The following CREBBP variants were observed in gnomAD, a reference collection of about 807,000 sequenced individuals.
The protein encoded by CREBBP is CREB binding lysine acetyltransferase, also known as CREB-binding protein.
CREBBP carries 19 observed loss-of-function variants against 265.0 expected under a neutral mutation model. The observed-to-expected ratio is 0.07, with a 90% confidence interval of 0.05 to 0.11. The LOEUF is 0.11. Ranked by LOEUF, CREBBP falls within the 10% of genes least tolerant of loss-of-function variation. The pLI is 1.00. For missense variants in CREBBP, 2,525 were observed against 3,219.0 expected (o/e 0.78, Z 5.22); for synonymous variants, 1,457 against 1,223.7 (o/e 1.19, Z -3.98).
chr16:3,765,236 A>G (rs760388464), intron 16 of CREBBP, among the ~76,000 whole-genome samples: 7 of 152,192 alleles, frequency 4.6e-5, no homozygotes, highest in Non-Finnish European at 1.0e-4. Flanking sequence ...TTGGCCTCCG[A>G]AAGTGCGGGG....
chr16:3,783,908 C>G (rs928873305), intron 5 of CREBBP, among the ~76,000 whole-genome samples: 1 of 152,230 alleles, frequency 6.6e-6, no homozygotes, highest in Non-Finnish European at 1.5e-5. Flanking sequence ...AAGGTCAATT[C>G]ATCTACCCAC....
At chr16:3,760,484 C>A (rs968164659) in intron 16 of CREBBP, among the ~76,000 whole-genome samples, 1 of 145,846 alleles carries the variant, frequency 6.9e-6, no homozygotes, top group Non-Finnish European at 1.5e-5. Context: ...CTCACAGCAA[C>A]CTCAGCCTCC....
At position 3,774,593 on chromosome 16, in the gene CREBBP, C is replaced by T. The variant is rs1389560620; in HGVS notation, c.2259G>A (p.Met753Ile). Reference protein sequence around the residue: ...AASPMNHSVQMNSMGSVPGMA... With the variant: ...AASPMNHSVQINSMGSVPGMA... Reference sequence around the variant, plus strand: ...CCCCTGGCACTGAGCCCATGCTGTTCATCTGGACAGAGTGGTTCATTGGGG... The same window carrying T: ...CCCCTGGCACTGAGCCCATGCTGTTTATCTGGACAGAGTGGTTCATTGGGG... Residue 753 changes from methionine to isoleucine, a missense_variant, in exon 12 of 31, where the codon ATG becomes ATA. This residue lies in a region of CREBBP where 548 missense variants were observed against 533.0 expected (regional missense o/e 1.03). Coordinates refer to ENST00000262367, the MANE Select transcript of CREBBP (RefSeq NM_004380.3). 2 of 1,614,042 alleles carry T rather than the reference C, an allele frequency of 1.2e-6. No homozygotes were observed. Among genetic ancestry groups the T allele is most frequent in the African/African-American group, 1.3e-5 (1 of 74,914 alleles).
chr16:3,747,369 C>A (rs2052366385), intron 21 of CREBBP, among the ~76,000 whole-genome samples: 1 of 152,340 alleles, frequency 6.6e-6, no homozygotes, highest in Non-Finnish European at 1.5e-5. Flanking sequence ...ACTCTAGGGG[C>A]CTTGTAGTTT....
chr16:3,844,679 G>A (rs1003381344), intron 2 of CREBBP, among the ~76,000 whole-genome samples: 1 of 152,146 alleles, frequency 6.6e-6, no homozygotes, highest in African/African-American at 2.4e-5. Flanking sequence ...TAATGCAAAA[G>A]ATGACTATCT....
At chr16:3,845,267 T>C (rs903686475) in intron 2 of CREBBP, among the ~76,000 whole-genome samples, 8 of 152,092 alleles carry the variant, frequency 5.3e-5, no homozygotes, top group African/African-American at 1.7e-4. Flanking sequence ...TCTGATAAAG[T>C]GTAGACAGAG....
chr16:3,733,359 C>A (rs1433633831), intron 28 of CREBBP, among the ~76,000 whole-genome samples: 1 of 126,046 alleles, frequency 7.9e-6, no homozygotes, highest in Non-Finnish European at 1.5e-5. Flanking sequence ...GAGACTCCAT[C>A]TCAAAAAAAA....
At chr16:3,836,839 C>T (rs1416351800) in intron 2 of CREBBP, among the ~76,000 whole-genome samples, 1 of 152,152 alleles carries the variant, frequency 6.6e-6, no homozygotes, top group African/African-American at 2.4e-5. Flanking sequence ...TACCATGGAA[C>T]TGAAAAATTC....
chr16:3,874,466 C>T (rs769794402), intron 1 of CREBBP, among the ~76,000 whole-genome samples: 2 of 152,202 alleles, frequency 1.3e-5, no homozygotes, highest in African/African-American at 2.4e-5. Context: ...CCTCAGATGC[C>T]AGTCTTTACA....
intron 2 of CREBBP, among the ~76,000 whole-genome samples, chr16:3,819,873 A>G (rs1440453788): frequency 6.6e-6 from 1 of 152,226 alleles, no homozygotes; most frequent in Non-Finnish European, 1.5e-5. Context: ...CCACGAAAAA[A>G]GAAATGGATG....
rs752487134 is a variant in CREBBP at position 3,757,950 on chromosome 16, G to A, written c.3468C>T (p.Asp1156=). ...QYQEPWQYVD[D]VWLMFNNAWL... is the part of the protein sequence containing the mutation. Reference sequence around the variant, plus strand: ...AGGCATTGTTGAACATGAGCCAGACGTCGTCCACGTACTGCCAGGGCTCTT... The same window carrying A: ...AGGCATTGTTGAACATGAGCCAGACATCGTCCACGTACTGCCAGGGCTCTT... Residue 1156 remains aspartate (D), a synonymous_variant, in exon 18 of 31, where the codon GAC becomes GAT. Transcript: ENST00000262367. 1 of 1,613,890 alleles carries A rather than the reference G, an allele frequency of 6.2e-7. No individual in the cohort carries two copies. Among genetic ancestry groups the A allele is most frequent in the South Asian group, 1.1e-5 (1 of 91,084 alleles).
intron 1 of CREBBP, among the ~76,000 whole-genome samples, chr16:3,867,843 T>A (rs2055209086): frequency 6.6e-6 from 1 of 152,074 alleles, no homozygotes; most frequent in East Asian, 1.9e-4. Flanking sequence ...GTGGGATTGC[T>A]TGAGCCCAGA....
chr16:3,838,251 T>C (rs1483794806), intron 2 of CREBBP, among the ~76,000 whole-genome samples: 1 of 152,232 alleles, frequency 6.6e-6, no homozygotes, highest in East Asian at 1.9e-4. Context: ...TGCCCAAGTA[T>C]GCATTACAGT....
chr16:3,764,395 GC>G lies in CREBBP; in HGVS notation c.3250+3324del, dbSNP rs1473915336. On this transcript the variant is annotated intron_variant, in intron 16 of 30. Coordinates refer to ENST00000262367, the MANE Select transcript of CREBBP (RefSeq NM_004380.3). The stretch of plus-strand genomic sequence containing the variant: ...GGGCTCAAGCAATCTTCCCACCTCA[GC>G]CTCCTGAGCCATTGGGACTACAGGT... Among the ~76,000 whole-genome samples, 7 of 152,096 alleles carry G rather than the reference GC, an allele frequency of 4.6e-5. No individual in the cohort carries two copies. The East Asian group carries it at 1.4e-3, about 30-fold the overall frequency.
At chr16:3,834,405 A>C (rs1221213272) in intron 2 of CREBBP, among the ~76,000 whole-genome samples, 1 of 152,208 alleles carries the variant, frequency 6.6e-6, no homozygotes, top group Non-Finnish European at 1.5e-5. Context: ...ACCCAGAGGA[A>C]CCTTAAATAC....
At chr16:3,769,416 G>C (rs1030437028) in intron 14 of CREBBP, 63 bp from the exon 15 acceptor site, 2 of 1,581,688 alleles carry the variant, frequency 1.3e-6, no homozygotes, top group East Asian at 2.2e-5. Flanking sequence ...CTTCAACTAT[G>C]CTGCTCATGC....
At chr16:3,871,088 G>C (rs964853644) in intron 1 of CREBBP, among the ~76,000 whole-genome samples, 1 of 148,222 alleles carries the variant, frequency 6.7e-6, no homozygotes, top group Non-Finnish European at 1.5e-5. Context: ...AAAAGAGAAA[G>C]AAAGAAAGAA....
chr16:3,790,349 G>A (rs1000382775), intron 5 of CREBBP, among the ~76,000 whole-genome samples: 2 of 143,732 alleles, frequency 1.4e-5, no homozygotes, highest in African/African-American at 5.1e-5. Context: ...TAATTTAACT[G>A]ACTTTTAGGA....
intron 19 of CREBBP, 170 bp from the exon 20 acceptor site, chr16:3,751,976 A>T: frequency 1.4e-6 from 1 of 693,302 alleles, no homozygotes; most frequent in Non-Finnish European, 2.6e-6. Context: ...GCAGGTGGGG[A>T]AAGGCAGGAT....
Sources: allele counts gnomAD v4.1 joint callset (sites outside exome capture counted in the v4.1 genomes callset), GRCh38; gene constraint gnomAD v4.1.1; regional missense constraint gnomAD v4.1.1; transcripts MANE v1.5; gene names NCBI Gene and HGNC (gene_info 2026-07-23, HGNC 2026-07-21).